MYO7B: variants seen among roughly 807,000 people sequenced by gnomAD.
The protein encoded by MYO7B is unconventional myosin-VIIb.
A neutral mutation model predicts 259.7 loss-of-function variants in MYO7B; 212 were observed. That is an observed-to-expected ratio of 0.82 (90% CI 0.73 to 0.91). The LOEUF is 0.91. Ranked by LOEUF, MYO7B falls within the 40% of genes least tolerant of loss-of-function variation. The pLI is 0.00. For missense variants in MYO7B, 2,732 were observed against 2,813.5 expected, an observed-to-expected ratio of 0.97 and a Z score of 0.66; for synonymous variants, 1,197 against 1,166.4, an observed-to-expected ratio of 1.03 and a Z score of -0.54.
rs766688222 is a variant in MYO7B at position 127,605,866 on chromosome 2, C to T, written c.2362C>T (p.Arg788Trp). The change falls in exon 20 of 48, where the codon CGG (arginine) becomes TGG (tryptophan). Residue 788 changes from arginine (R) to tryptophan (W), a missense_variant. Transcript: ENST00000409816. ...RYRKEFLRQR[R>W]AAVTLQAWWR... ...TAGGAAGGAGTTCCTGAGGCAGAGG[C>T]GGGCAGCTGTGACCCTGCAGGCCTG... 57 of 1,613,552 alleles carry T rather than the reference C, an allele frequency of 3.5e-5. 1 individual carries two copies. The highest frequency in any genetic ancestry group is 8.3e-5 in the Admixed American group (5 of 59,974).
intron 6 of MYO7B, among the ~76,000 whole-genome samples, chr2:127,571,577 T>A (rs1678630192): frequency 6.6e-6 from 1 of 151,532 alleles, no homozygotes; most frequent in African/African-American, 2.4e-5. Flanking sequence ...GCCTGTTAGG[T>A]TCAAGCGATT....
intron 1 of MYO7B, among the ~76,000 whole-genome samples, chr2:127,542,122 A>G (rs528510019): frequency 4.6e-5 from 7 of 152,338 alleles, no homozygotes; most frequent in African/African-American, 1.7e-4. Context: ...GCAGGGACAT[A>G]TATCTCCGGC....
chr2:127,566,231 G>A (rs187847545), intron 4 of MYO7B, among the ~76,000 whole-genome samples: 18 of 152,334 alleles, frequency 1.2e-4, no homozygotes, highest in Non-Finnish European at 1.9e-4. Flanking sequence ...GATCCAGGGC[G>A]GAGGTCCCAG....
chr2:127,565,485 T>C, intron 4 of MYO7B, 100 bp downstream of exon 4: 1 of 1,471,126 alleles, frequency 6.8e-7, no homozygotes, highest in Non-Finnish European at 9.2e-7. Flanking sequence ...CTGCCCCCCA[T>C]GCCCTCACTG....
intron 1 of MYO7B, among the ~76,000 whole-genome samples, chr2:127,549,208 A>G (rs532159607): frequency 6.6e-6 from 1 of 151,702 alleles, no homozygotes; most frequent in Non-Finnish European, 1.5e-5. Flanking sequence ...TATACAAAAC[A>G]CTGATGTATC....
rs981995777 is a variant in MYO7B, at chr2:127,585,161, G to A, written c.1690+248G>A. On this transcript the variant is annotated intron_variant, in intron 14 of 47. Transcript: ENST00000409816. This position sits in a 1 kb window ranked among gnomAD's most constrained non-coding sequence, Gnocchi z 4.3. ...TTTACCTATTTTAAGTGTACGACTT[G>A]ACTGTAATATATTCAGAGTATATTA... 1.3e-5 allele frequency among the ~76,000 whole-genome samples: 2 copies of A among 152,100 alleles called. No homozygotes were observed. Among genetic ancestry groups the A allele is most frequent in the Admixed American group, 6.5e-5 (1 of 15,276 alleles).
chr2:127,633,445 C>G, intron 40 of MYO7B, 82 bp downstream of exon 40: 1 of 1,366,986 alleles, frequency 7.3e-7, no homozygotes, highest in Non-Finnish European at 1.0e-6. Flanking sequence ...CCAGCCTGCT[C>G]CTTGGTAACC....
At chr2:127,618,155 T>G (rs910877767) in intron 26 of MYO7B, among the ~76,000 whole-genome samples, 1 of 152,200 alleles carries the variant, frequency 6.6e-6, no homozygotes, top group Non-Finnish European at 1.5e-5. Context: ...TACGTCCCTG[T>G]CCAGGCAGCA....
rs1677981424 is a variant in MYO7B at position 127,559,558 on chromosome 2, C to T, written c.-23-142C>T. The T allele has an allele frequency of 2.8e-6, 2 of 719,256 alleles. No individual in the cohort carries two copies. The highest frequency in any genetic ancestry group is 4.9e-6 in the Non-Finnish European group (2 of 405,928). 44.6% of individuals were successfully genotyped at this position (719,256 alleles called of 1,614,324 possible). A position where few individuals can be genotyped will look rare whatever the true frequency, so the allele number is the denominator to read the frequency against. ...GGGCTAGGACTGTGACTCATTCATC[C>T]ATTTATTCAGCATTGTTTTTGAGCC... On this transcript the variant is annotated intron_variant, in intron 1 of 47. Coordinates refer to ENST00000409816, the MANE Select transcript of MYO7B (RefSeq NM_001393586.1). The surrounding 1 kb of genome is among the most constrained non-coding windows in gnomAD (Gnocchi z 4.1).
At position 127,634,728 on chromosome 2, in the gene MYO7B, G is replaced by A. The variant is rs774374557; in HGVS notation, c.5713+45G>A. On this transcript the variant is annotated intron_variant, in intron 42 of 47. Coordinates refer to ENST00000409816, the MANE Select transcript of MYO7B (RefSeq NM_001393586.1). ...GCTGGGGGAGGGCGTGGCTGGGTGG[G>A]TCGAGGGGGCACTGGCGGCCTCTGT... is the stretch of plus-strand genomic sequence containing the variant. 9.2e-6 allele frequency: 14 copies of A among 1,528,756 alleles called. No individual in the cohort carries two copies. In the South Asian group the frequency reaches 1.6e-4, roughly 18 times the overall value. The allele number at this position is 1,528,756 out of a possible 1,614,324, so 94.7% of individuals were successfully genotyped here.
rs938128074 is a variant in MYO7B, at chr2:127,608,695, A to G, written c.2644-13A>G. 6.2e-7 allele frequency: 1 copy of G among 1,604,280 alleles called. No homozygotes were observed. The highest frequency in any genetic ancestry group is 1.3e-5 in the African/African-American group (1 of 74,752). ...CTGGGCCCCTGGGTAACCTTCCTCC[A>G]CGGGGTATGCAGGCGCCGCTGGTCA... On this transcript the variant is annotated splice_polypyrimidine_tract_variant and intron_variant, in intron 21 of 47. Coordinates refer to ENST00000409816, the MANE Select transcript of MYO7B (RefSeq NM_001393586.1).
intron 1 of MYO7B, among the ~76,000 whole-genome samples, chr2:127,537,040 C>A (rs1692809637): frequency 6.6e-6 from 1 of 152,212 alleles, no homozygotes; most frequent in African/African-American, 2.4e-5. Context: ...AAAAATTTAT[C>A]TTAAAGATCT....
intron 14 of MYO7B, 56 bp from the exon 15 acceptor site, chr2:127,588,336 A>G: frequency 6.3e-7 from 1 of 1,589,634 alleles, no homozygotes; most frequent in Non-Finnish European, 8.6e-7. Context: ...CTTCTTCCCC[A>G]TGGGTGGGCA....
chr2:127,547,508 G>A (rs543940537), intron 1 of MYO7B, among the ~76,000 whole-genome samples: 84 of 152,298 alleles, frequency 5.5e-4, no homozygotes, highest in African/African-American at 1.9e-3. Flanking sequence ...TGTACCCTGG[G>A]GGGAAGAGGT....
chr2:127,608,483 C>T lies in MYO7B; in HGVS notation c.2644-225C>T, dbSNP rs550356833. On this transcript the variant is annotated intron_variant, in intron 21 of 47. Transcript: ENST00000409816. ...GGACAAGCCAGCAACCTCACCTCTCCAGAGCTCTGATTATCACTGGGAAAG... is the reference window on the plus strand; with the variant it reads ...GGACAAGCCAGCAACCTCACCTCTCTAGAGCTCTGATTATCACTGGGAAAG... Among the ~76,000 whole-genome samples, 485 of 152,356 alleles carry T rather than the reference C, an allele frequency of 3.2e-3. 4 individuals are homozygous for T. The highest frequency in any genetic ancestry group is 0.011 in the African/African-American group (445 of 41,582).
chr2:127,637,521 TCC>T lies in MYO7B; in HGVS notation c.*105_*106del, dbSNP rs1681920109. 5 of 855,582 alleles carry T rather than the reference TCC, an allele frequency of 5.8e-6. No individual in the cohort carries two copies. In the South Asian group the frequency reaches 9.8e-5, roughly 17 times the overall value. The allele number at this position is 855,582 out of a possible 1,614,324, so 53.0% of individuals were successfully genotyped here. A position where few individuals can be genotyped will look rare whatever the true frequency, so the allele number is the denominator to read the frequency against. ...AGGGCCTGTCCTTGGCGGGCAGCCT[TCC>T]ATGCTGCCCCCCATACAAAGCCCAC... On this transcript the variant is annotated 3_prime_UTR_variant, in exon 48 of 48. Coordinates refer to ENST00000409816, the MANE Select transcript of MYO7B (RefSeq NM_001393586.1).
chr2:127,607,547 C>G lies in MYO7B; in HGVS notation c.2643+123C>G. 1 of 794,234 alleles carries G rather than the reference C, an allele frequency of 1.3e-6. No homozygotes were observed. Among genetic ancestry groups the G allele is most frequent in the Non-Finnish European group, 2.0e-6 (1 of 503,316 alleles). 49.2% of individuals were successfully genotyped at this position (794,234 alleles called of 1,614,324 possible). ...AAGCGCTTTGGAAAATCCCCCCGCC[C>G]CCGCCACAAGCCAAGACGTTAAAAT... On this transcript the variant is annotated intron_variant, in intron 21 of 47. Transcript: ENST00000409816. This position sits in a 1 kb window ranked among gnomAD's most constrained non-coding sequence, Gnocchi z 4.4.
In MYO7B at chr2:127,611,271, C is replaced by T. The variant is rs1402167965; in HGVS notation, c.3193-979C>T. 1.3e-5 allele frequency among the ~76,000 whole-genome samples: 2 copies of T among 152,232 alleles called. No individual in the cohort carries two copies. The highest frequency in any genetic ancestry group is 4.8e-5 in the African/African-American group (2 of 41,462). ...TGCAAATGTCCAGTCTTGGAAGTCA[C>T]ATACCTGTGGCTGTGGGAGGGGCCC... is the stretch of plus-strand genomic sequence containing the variant. On this transcript the variant is annotated intron_variant, in intron 24 of 47. Coordinates refer to ENST00000409816, the MANE Select transcript of MYO7B (RefSeq NM_001393586.1). This position sits in a 1 kb window ranked among gnomAD's most constrained non-coding sequence, Gnocchi z 5.4.
rs111599407 is a variant in MYO7B, at chr2:127,632,224, G to A, written c.5250-22G>A. 1,044 of 1,607,730 alleles carry A rather than the reference G, an allele frequency of 6.5e-4. 9 individuals are homozygous for A. The African/African-American group carries it at 0.012, about 18-fold the overall frequency. ...AGGGCCCCCTGAGGGGCCTTTCCCG[G>A]CTGACAAGTGCTACCCTTCAGGCAC... On this transcript the variant is annotated intron_variant, in intron 38 of 47. Coordinates refer to ENST00000409816, the MANE Select transcript of MYO7B (RefSeq NM_001393586.1).
Sources: allele counts gnomAD v4.1 joint callset (sites outside exome capture counted in the v4.1 genomes callset), GRCh38; gene constraint gnomAD v4.1.1; non-coding constraint Gnocchi (gnomAD v3.1); transcripts MANE v1.5; gene names NCBI Gene and HGNC (gene_info 2026-07-23, HGNC 2026-07-21).